The following EYA1 variants were observed in gnomAD, a reference collection of about 807,000 sequenced individuals.
The protein encoded by EYA1 is protein phosphatase EYA1.
EYA1 carries 16 observed loss-of-function variants against 82.0 expected under a neutral mutation model. That is an observed-to-expected ratio of 0.20 (90% CI 0.13 to 0.30). The LOEUF is 0.30. Among genes scored for constraint, EYA1 ranks in the 10% least tolerant of loss-of-function variants. The pLI, the probability that EYA1 is intolerant of heterozygous loss-of-function variation, is 1.00. For missense variants in EYA1, 633 were observed against 730.7 expected (o/e 0.87, Z 1.54); for synonymous variants, 261 against 264.4 (o/e 0.99, Z 0.12).
chr8:71,201,396 G>GA (rs575478144), intron 17 of EYA1, among the ~76,000 whole-genome samples: 7 of 152,044 alleles, frequency 4.6e-5, no homozygotes, highest in South Asian at 2.1e-4. Flanking sequence ...ATTCAGCTGT[G>GA]TAAATTATCA....
chr8:71,545,621 G>C (rs1326356543), intron 1 of EYA1, among the ~76,000 whole-genome samples: 3 of 148,488 alleles, frequency 2.0e-5, no homozygotes, highest in African/African-American at 7.5e-5. Flanking sequence ...GAGTGCAGTG[G>C]GGCGATCTCG....
chr8:71,462,599 C>T (rs752494437), intron 2 of EYA1, among the ~76,000 whole-genome samples: 7 of 152,294 alleles, frequency 4.6e-5, no homozygotes, highest in South Asian at 4.1e-4. Flanking sequence ...TGGCAGGCTC[C>T]GGGGGATTCC....
At chr8:71,424,913 C>T (rs904008639) in intron 2 of EYA1, among the ~76,000 whole-genome samples, 6 of 151,768 alleles carry the variant, frequency 4.0e-5, no homozygotes, top group African/African-American at 1.5e-4. Flanking sequence ...CAGTAGAATT[C>T]CAGAAAGAAA....
At chr8:71,202,248 T>TA (rs57115257) in intron 17 of EYA1, among the ~76,000 whole-genome samples, 51,031 of 147,598 alleles carry the variant, frequency 0.35, 8,998 homozygotes, top group East Asian at 0.71. Flanking sequence ...AAAAGGGAAC[T>TA]AAAAAAAAAA....
intron 2 of EYA1, among the ~76,000 whole-genome samples, chr8:71,486,403 C>T: frequency 6.6e-6 from 1 of 152,160 alleles, no homozygotes; most frequent in East Asian, 1.9e-4. Context: ...CATGCTCCTA[C>T]AACAGTCTTC....
intron 2 of EYA1, among the ~76,000 whole-genome samples, chr8:71,413,275 C>T (rs960297135): frequency 1.3e-5 from 2 of 152,208 alleles, no homozygotes; most frequent in Non-Finnish European, 2.9e-5. Flanking sequence ...ACCTGCACAG[C>T]AGCCTGCCTC....
At chr8:71,322,062 G>T in intron 5 of EYA1, 137 bp downstream of exon 5, 2 of 1,082,300 alleles carry the variant, frequency 1.8e-6, no homozygotes, top group Non-Finnish European at 2.8e-6. Flanking sequence ...AAATAAATTT[G>T]TATCAATATG....
At chr8:71,406,601 G>C (rs1830246233) in intron 2 of EYA1, among the ~76,000 whole-genome samples, 1 of 152,216 alleles carries the variant, frequency 6.6e-6, no homozygotes, top group African/African-American at 2.4e-5. Flanking sequence ...CCCAGTCAAA[G>C]AAAGGGGTGA....
intron 12 of EYA1, among the ~76,000 whole-genome samples, chr8:71,228,324 T>C (rs866414855): frequency 2.6e-5 from 4 of 152,150 alleles, no homozygotes; most frequent in African/African-American, 9.7e-5. Context: ...GAGTGAACTA[T>C]TTAAGCTCCA....
At chr8:71,250,290 G>C (rs1220447616) in intron 11 of EYA1, among the ~76,000 whole-genome samples, 1 of 152,174 alleles carries the variant, frequency 6.6e-6, no homozygotes, top group African/African-American at 2.4e-5. Context: ...CAACTAGGCA[G>C]AGGCCTAAAC....
intron 2 of EYA1, among the ~76,000 whole-genome samples, chr8:71,488,495 T>C (rs779739535): frequency 1.3e-5 from 2 of 152,170 alleles, no homozygotes; most frequent in African/African-American, 2.4e-5. Context: ...TGATACTGTA[T>C]GGTTCAATTT....
Position 71,392,411 on chromosome 8 carries a change from A to T in EYA1, c.34-35900T>A, listed in dbSNP as rs572709622. ...TAAAGCCATGACAGGAAAGAGGGGGAAAAAATGGGGCTTACTCCTATATAA... is the reference window on the plus strand; with the variant it reads ...TAAAGCCATGACAGGAAAGAGGGGGTAAAAATGGGGCTTACTCCTATATAA... On this transcript the variant is annotated intron_variant, in intron 2 of 18. Transcript: ENST00000643681. Among the ~76,000 whole-genome samples, 6 of 152,210 alleles carry T rather than the reference A, an allele frequency of 3.9e-5. No individual in the cohort carries two copies. The East Asian group carries it at 5.8e-4, about 15-fold the overall frequency.
Position 71,271,675 on chromosome 8 carries a change from G to A in EYA1, c.966+83C>T. The A allele has an allele frequency of 2.0e-6, 3 of 1,468,870 alleles. No individual in the cohort carries two copies. In the Admixed American group the frequency reaches 5.0e-5, roughly 25 times the overall value. 91.0% of individuals were successfully genotyped at this position (1,468,870 alleles called of 1,614,324 possible). On this transcript the variant is annotated intron_variant, in intron 10 of 17. Coordinates refer to ENST00000340726, the MANE Select transcript of EYA1 (RefSeq NM_000503.6). ...AAAAGCATCTGATACCTTAACCACT[G>A]CTGTTTACGTAGCAGGTATGTAAAA...
At chr8:71,406,990 G>A (rs1284504469) in intron 2 of EYA1, among the ~76,000 whole-genome samples, 1 of 128,700 alleles carries the variant, frequency 7.8e-6, no homozygotes, top group Non-Finnish European at 1.8e-5. Flanking sequence ...CAGCTCTGAA[G>A]AGAGCAGTGG....
At chr8:71,490,934 GA>G (rs1473674000) in intron 2 of EYA1, among the ~76,000 whole-genome samples, 2 of 152,070 alleles carry the variant, frequency 1.3e-5, no homozygotes, top group Non-Finnish European at 2.9e-5. Flanking sequence ...ACTTCAATTG[GA>G]TACACTTAAT....
At chr8:71,451,773 T>A (rs1360491668) in intron 2 of EYA1, among the ~76,000 whole-genome samples, 2 of 152,158 alleles carry the variant, frequency 1.3e-5, no homozygotes, top group Non-Finnish European at 2.9e-5. Context: ...TCATCAAGAC[T>A]TAGCATATGC....
intron 2 of EYA1, among the ~76,000 whole-genome samples, chr8:71,410,120 A>T (rs1490541030): frequency 2.0e-5 from 3 of 151,856 alleles, no homozygotes; most frequent in Non-Finnish European, 2.9e-5. Context: ...AGAGCCAAAG[A>T]CAAAAACCAC....
intron 2 of EYA1, among the ~76,000 whole-genome samples, chr8:71,441,255 A>AC (rs1457343300): frequency 6.6e-6 from 1 of 152,068 alleles, no homozygotes; most frequent in Non-Finnish European, 1.5e-5. Flanking sequence ...AATTAAAACC[A>AC]CCCCAGTTGA....
chr8:71,403,024 T>C (rs1350673786), intron 2 of EYA1, among the ~76,000 whole-genome samples: 2 of 152,182 alleles, frequency 1.3e-5, no homozygotes, highest in Admixed American at 6.5e-5. Context: ...TTTGAGTGGG[T>C]GAGATTTTCC....
Sources: gnomAD v4.1 joint callset for allele counts (sites outside exome capture counted in the v4.1 genomes callset) on GRCh38, gnomAD v4.1.1 for gene constraint, MANE v1.5 for transcripts, NCBI Gene and HGNC (gene_info 2026-07-23, HGNC 2026-07-21) for gene names.